The following MAGEB16 variants were observed in gnomAD, a reference collection of about 807,000 sequenced individuals.
MAGEB16 encodes MAGE family member B16.
For synonymous variants in MAGEB16, 95 were observed against 92.1 expected, an observed-to-expected ratio of 1.03 and a Z score of -0.18; for missense variants, 217 against 234.0, an observed-to-expected ratio of 0.93 and a Z score of 0.47.
exon 2 of MAGEB16, chrX:35,803,627 C>T (rs1934887162): frequency 8.0e-6 from 1 of 125,578 alleles, no homozygotes; most frequent in African/African-American, 3.2e-5. Context: ...TAATGTTTTG[C>T]ATGCAGTTTA....
intron 1 of MAGEB16, among the ~76,000 whole-genome samples, chrX:35,800,188 A>G (rs1373794609): frequency 9.0e-6 from 1 of 111,292 alleles, no homozygotes; most frequent in Admixed American, 9.5e-5. Context: ...AGTCTCTCGC[A>G]GTGCCTGGAG....
chrX:35,802,257 G>A (rs1372212254), exon 2 of MAGEB16: 1 of 1,211,418 alleles, frequency 8.3e-7, no homozygotes, highest in Non-Finnish European at 1.1e-6. Context: ...GACCTTCAGT[G>A]AGACCCAGAG....
chrX:35,798,525 C>A (rs182686102), intron 1 of MAGEB16, 107 bp downstream of exon 1: 1 of 111,462 alleles, frequency 9.0e-6, no homozygotes, highest in Non-Finnish European at 1.9e-5. Flanking sequence ...TGAACCCACC[C>A]CACATTTCTC....
At chrX:35,800,406 G>A (rs1483592545) in intron 1 of MAGEB16, 2 of 489,802 alleles carry the variant, frequency 4.1e-6, no homozygotes, top group Non-Finnish European at 7.4e-6. Context: ...AGGGGTAGGT[G>A]CATAAGGGGT....
In MAGEB16 at chrX:35,801,912, T is replaced by C. The variant is rs186852728; in HGVS notation, c.-66-219T>C. Among the ~76,000 whole-genome samples the C allele has an allele frequency of 3.6e-5, 4 of 112,481 alleles. No homozygotes were observed. In the East Asian group the frequency reaches 1.1e-3, roughly 32 times the overall value. On this transcript the variant is annotated intron_variant, in intron 1 of 1. Transcript: ENST00000399988. ...ACTGAGCCCAACTACAAGTGTCTAC[T>C]GTGAACCTGAAAAATTCTCACGTTG...
intron 1 of MAGEB16, 104 bp from the exon 2 acceptor site, chrX:35,802,027 A>G (rs1046958735): frequency 5.7e-6 from 3 of 524,265 alleles, no homozygotes; most frequent in Middle Eastern, 3.4e-4. Context: ...GTGAGGCTCT[A>G]TAACACTGCT....
At chrX:35,803,355 A>AT (rs1934884513) in exon 2 of MAGEB16, 2 of 368,386 alleles carry the variant, frequency 5.4e-6, no homozygotes, top group African/African-American at 5.1e-5. Flanking sequence ...CTATATCCCT[A>AT]TTTTGTATGT....
At chrX:35,800,435 G>A (rs1206521490) in intron 1 of MAGEB16, 1 of 516,866 alleles carries the variant, frequency 1.9e-6, no homozygotes, top group Non-Finnish European at 3.5e-6. Context: ...GTTAGGTGAA[G>A]ACACAGACTT....
intron 1 of MAGEB16, 160 bp downstream of exon 1, chrX:35,798,578 G>A (rs1361645128): frequency 9.0e-6 from 1 of 111,447 alleles, no homozygotes; most frequent in Non-Finnish European, 1.9e-5. Flanking sequence ...TTGGGCAAGG[G>A]TAAGAGTCCT....
At chrX:35,799,142 A>G (rs1430068752) in intron 1 of MAGEB16, among the ~76,000 whole-genome samples, 7 of 106,677 alleles carry the variant, frequency 6.6e-5, no homozygotes, top group African/African-American at 2.4e-4. Flanking sequence ...TCGGCCTTCC[A>G]AAGTGCTGGG....
At chrX:35,798,935 A>T (rs1173098294) in intron 1 of MAGEB16, 3 of 108,844 alleles carry the variant, frequency 2.8e-5, no homozygotes, top group Non-Finnish European at 5.7e-5. Context: ...CAGTGGTGTG[A>T]TCTCGGCTCA....
exon 2 of MAGEB16, chrX:35,802,224 T>C (rs1934868141): frequency 1.7e-6 from 2 of 1,211,621 alleles, no homozygotes; most frequent in African/African-American, 3.5e-5. Flanking sequence ...GAGTCCACGA[T>C]GCACACATGA....
rs1376265468 is a variant in MAGEB16 at position 35,802,401 on chromosome X, T to C, written c.205T>C (p.Cys69Arg). 6 of 1,206,199 alleles carry C rather than the reference T, an allele frequency of 5.0e-6. No individual in the cohort carries two copies. The South Asian group carries it at 7.1e-5, about 14-fold the overall frequency. The change falls in exon 2 of 2, where the codon TGC becomes CGC. Residue 69 changes from cysteine to arginine, a missense_variant. Transcript: ENST00000399988. ...TCCTCTTGAGGTTCCTCAGAGTTTC[T>C]GCTCCTCTTCCATTGCCGTCACAAC...
At chrX:35,802,914 C>G (rs1226219739) in exon 2 of MAGEB16, 4 of 1,211,939 alleles carry the variant, frequency 3.3e-6, no homozygotes, top group Non-Finnish European at 4.5e-6. Flanking sequence ...TGGGAAGAAG[C>G]ACTTCATCTT....
At chrX:35,801,797 G>A in intron 1 of MAGEB16, among the ~76,000 whole-genome samples, 1 of 112,871 alleles carries the variant, frequency 8.9e-6, no homozygotes, top group East Asian at 2.8e-4. Flanking sequence ...TACCACAGGG[G>A]AAGTGGCACA....
chrX:35,801,915 G>A (rs970718958), intron 1 of MAGEB16, among the ~76,000 whole-genome samples: 9 of 112,317 alleles, frequency 8.0e-5, no homozygotes, highest in African/African-American at 2.6e-4. Flanking sequence ...TGTCTACTGT[G>A]AACCTGAAAA....
chrX:35,802,487 C>T (rs1340384187), exon 2 of MAGEB16: 1 of 1,210,679 alleles, frequency 8.3e-7, no homozygotes, highest in East Asian at 3.0e-5. Context: ...ATAGTCCAAG[C>T]TCCTCAGAGG....
chrX:35,801,005 C>T (rs1163782399), intron 1 of MAGEB16, among the ~76,000 whole-genome samples: 2 of 111,315 alleles, frequency 1.8e-5, no homozygotes, highest in African/African-American at 3.3e-5. Context: ...GGATATATGT[C>T]GCCAAAGAGC....
At chrX:35,800,371 C>G (rs1934852204) in intron 1 of MAGEB16, 1 of 442,060 alleles carries the variant, frequency 2.3e-6, no homozygotes, top group Non-Finnish European at 4.0e-6. Context: ...GTGTCATGGT[C>G]TGAATAGCAG....
Sources: gnomAD v4.1 joint callset for allele counts (sites outside exome capture counted in the v4.1 genomes callset) on GRCh38, gnomAD v4.1.1 for gene constraint, MANE v1.5 for transcripts, NCBI Gene and HGNC (gene_info 2026-07-23, HGNC 2026-07-21) for gene names.